CHRM5: variants seen among roughly 807,000 people sequenced by gnomAD.
CHRM5 encodes cholinergic receptor muscarinic 5, also known as muscarinic acetylcholine receptor M5.
In CHRM5, 18 loss-of-function variants were observed where a neutral mutation model predicts 39.0. The observed-to-expected ratio is 0.46, with a 90% CI of 0.32 to 0.68. The LOEUF (loss-of-function observed/expected upper bound fraction) is 0.68. Ranked by LOEUF, CHRM5 falls within the 30% of genes least tolerant of loss-of-function variation. The pLI, the probability that CHRM5 is intolerant of heterozygous loss-of-function variation, is 0.04. For synonymous variants in CHRM5, 241 were observed against 246.3 expected, an observed-to-expected ratio of 0.98 and a Z score of 0.20; for missense variants, 515 against 651.1, an observed-to-expected ratio of 0.79 and a Z score of 2.28.
intron 1 of CHRM5, chr15:33,971,921 T>C (rs956598917): frequency 6.6e-6 from 1 of 152,136 alleles, no homozygotes; most frequent in Non-Finnish European, 1.5e-5. Context: ...GACATCACAA[T>C]CTGTGACTGG....
At chr15:34,023,017 T>G (rs1898276856) in intron 1 of CHRM5, among the ~76,000 whole-genome samples, 1 of 152,048 alleles carries the variant, frequency 6.6e-6, no homozygotes, top group South Asian at 2.1e-4. Flanking sequence ...GAAACCCCCA[T>G]CTCTACTAAA....
intron 1 of CHRM5, among the ~76,000 whole-genome samples, chr15:33,978,614 G>T (rs551975799): frequency 6.6e-6 from 1 of 152,174 alleles, no homozygotes; most frequent in South Asian, 2.1e-4. Flanking sequence ...AATTAGCCAA[G>T]ATTACGCCAC....
intron 1 of CHRM5, among the ~76,000 whole-genome samples, chr15:33,976,554 C>T (rs1010588601): frequency 1.3e-5 from 2 of 152,140 alleles, no homozygotes; most frequent in Non-Finnish European, 2.9e-5. Context: ...CAGTAGACAA[C>T]ACACTTTTAT....
At chr15:34,002,480 G>A (rs1019953822) in intron 1 of CHRM5, among the ~76,000 whole-genome samples, 2 of 151,994 alleles carry the variant, frequency 1.3e-5, no homozygotes, top group African/African-American at 2.4e-5. Flanking sequence ...ATCACTCAAG[G>A]TGCAATCAAT....
At chr15:33,981,842 T>G (rs1896161118) in intron 1 of CHRM5, among the ~76,000 whole-genome samples, 1 of 152,140 alleles carries the variant, frequency 6.6e-6, no homozygotes, top group Admixed American at 6.5e-5. Context: ...AAGTTTTGTT[T>G]TTTTGTTTTT....
intron 1 of CHRM5, among the ~76,000 whole-genome samples, chr15:33,992,369 G>A (rs1455540904): frequency 2.0e-5 from 3 of 150,808 alleles, no homozygotes; most frequent in Non-Finnish European, 4.4e-5. Context: ...CAGCCTGCGC[G>A]ACAGATCAGG....
At chr15:33,986,950 C>A (rs967607887) in intron 1 of CHRM5, among the ~76,000 whole-genome samples, 8 of 152,232 alleles carry the variant, frequency 5.3e-5, no homozygotes, top group African/African-American at 1.7e-4. Flanking sequence ...AGCCACCGCG[C>A]CCAGCCCAGG....
intron 2 of CHRM5, among the ~76,000 whole-genome samples, chr15:34,052,290 T>A (rs572251924): frequency 4.4e-4 from 67 of 151,978 alleles, no homozygotes; most frequent in Middle Eastern, 3.4e-3. Flanking sequence ...TTTGAAAAAA[T>A]TTAAATCCCT....
chr15:34,009,694 A>T (rs897254322), intron 1 of CHRM5, among the ~76,000 whole-genome samples: 2 of 152,216 alleles, frequency 1.3e-5, no homozygotes, highest in African/African-American at 4.8e-5. Context: ...AATCAAAAAG[A>T]TATAACAATA....
At chr15:34,033,829 C>G (rs1203409001) in intron 1 of CHRM5, among the ~76,000 whole-genome samples, 1 of 152,128 alleles carries the variant, frequency 6.6e-6, no homozygotes, top group East Asian at 1.9e-4. Context: ...CATTCTGTCT[C>G]CAGGGTAAAG....
At chr15:33,991,190 T>C (rs995005776) in intron 1 of CHRM5, 3 of 152,182 alleles carry the variant, frequency 2.0e-5, no homozygotes, top group African/African-American at 7.2e-5. Context: ...ACACGTGCAG[T>C]GTTTGACGGT....
At chr15:34,037,784 T>C (rs1899217824) in intron 1 of CHRM5, among the ~76,000 whole-genome samples, 1 of 152,166 alleles carries the variant, frequency 6.6e-6, no homozygotes, top group Non-Finnish European at 1.5e-5. Context: ...AGCTCTGTAT[T>C]GCTGTATACA....
intron 1 of CHRM5, among the ~76,000 whole-genome samples, chr15:34,026,114 GT>G (rs1281276688): frequency 2.0e-5 from 3 of 152,112 alleles, no homozygotes; most frequent in Admixed American, 2.0e-4. Context: ...CACAGATTAA[GT>G]TTGATATTCT....
chr15:34,016,485 A>T (rs1452218847), intron 1 of CHRM5, among the ~76,000 whole-genome samples: 1 of 151,718 alleles, frequency 6.6e-6, no homozygotes, highest in East Asian at 1.9e-4. Context: ...CTTTTTTCTT[A>T]CAAATTTCCC....
chr15:34,064,425 A>G lies in CHRM5; in HGVS notation c.*109A>G. 2 of 1,340,610 alleles carry G rather than the reference A, an allele frequency of 1.5e-6. No homozygotes were observed. Among genetic ancestry groups the G allele is most frequent in the Non-Finnish European group, 2.0e-6 (2 of 1,000,438 alleles). The allele number at this position is 1,340,610 out of a possible 1,614,324, so 83.0% of individuals were successfully genotyped here. ...TTCAAAAAGAAGACATCTCATTTTG[A>G]GTCCTTGAAGATTTTTGTAAAGGCT... On this transcript the variant is annotated 3_prime_UTR_variant, in exon 3 of 3. Transcript: ENST00000383263.
At chr15:34,058,241 A>T (rs1439215401) in intron 2 of CHRM5, among the ~76,000 whole-genome samples, 2 of 152,188 alleles carry the variant, frequency 1.3e-5, no homozygotes, top group Non-Finnish European at 2.9e-5. Flanking sequence ...TCGCAGCAAT[A>T]TCTAGACTGG....
rs3027963 is a variant in CHRM5, at chr15:34,058,555, A to AACACACACACACACAC, written c.-75-4064_-75-4049dup. 6.3e-5 allele frequency among the ~76,000 whole-genome samples: 9 copies of AACACACACACACACAC among 143,286 alleles called. 1 individual carries two copies. In the East Asian group the frequency reaches 6.3e-4, roughly 10 times the overall value. The allele number at this position is 143,286 out of a possible 152,430, so 94.0% of individuals were successfully genotyped here. A position where few individuals can be genotyped will look rare whatever the true frequency, so the allele number is the denominator to read the frequency against. ...AGGAAGTTCTCTCTGCTTTAATTCT[A>AACACACACACACACAC]ACACACACACACACACACACACACA... On this transcript the variant is annotated intron_variant, in intron 2 of 2. Coordinates refer to ENST00000383263, the MANE Select transcript of CHRM5 (RefSeq NM_012125.4).
chr15:34,017,935 T>C (rs960207233), intron 1 of CHRM5, among the ~76,000 whole-genome samples: 7 of 152,234 alleles, frequency 4.6e-5, no homozygotes, highest in African/African-American at 7.2e-5. Flanking sequence ...CACAGCATTA[T>C]TCACAGGTCT....
chr15:34,000,233 T>C (rs1897086473), intron 1 of CHRM5, among the ~76,000 whole-genome samples: 1 of 152,232 alleles, frequency 6.6e-6, no homozygotes, highest in African/African-American at 2.4e-5. Context: ...GCATTTAACA[T>C]TTTATATACT....
Sources: allele counts gnomAD v4.1 joint callset (sites outside exome capture counted in the v4.1 genomes callset), GRCh38; gene constraint gnomAD v4.1.1; transcripts MANE v1.5; gene names NCBI Gene and HGNC (gene_info 2026-07-23, HGNC 2026-07-21).